Variants in XPR1 observed in about 807,000 individuals in gnomAD.
XPR1 encodes the protein xenotropic and polytropic retrovirus receptor 1.
A neutral mutation model predicts 87.5 loss-of-function variants in XPR1; 28 were observed. That is an observed-to-expected ratio of 0.32 (90% CI 0.24 to 0.44). The LOEUF is 0.44. Among genes scored for constraint, XPR1 ranks in the 20% least tolerant of loss-of-function variants. XPR1 has a pLI of 1.00. For synonymous variants in XPR1, 300 were observed against 306.1 expected (o/e 0.98, Z 0.21); for missense variants, 559 against 862.3 (o/e 0.65, Z 4.41).
chr1:180,776,280 T>A (rs1648713774), intron 2 of XPR1, among the ~76,000 whole-genome samples: 1 of 152,186 alleles, frequency 6.6e-6, no homozygotes, highest in Non-Finnish European at 1.5e-5. Flanking sequence ...TCTGATCTAC[T>A]TATTTATGTT....
intron 1 of XPR1, among the ~76,000 whole-genome samples, chr1:180,680,357 CTTTTTT>C (rs369905770): frequency 4.8e-5 from 4 of 83,380 alleles, no homozygotes; most frequent in African/African-American, 1.5e-4. Context: ...CAAATAGAAC[CTTTTTT>C]TTTTTTTTTT....
chr1:180,828,355 G>C (rs1650937396), intron 9 of XPR1, among the ~76,000 whole-genome samples: 1 of 152,092 alleles, frequency 6.6e-6, no homozygotes, highest in Admixed American at 6.5e-5. Context: ...TGTCAAATTA[G>C]TATAGATTAT....
intron 2 of XPR1, among the ~76,000 whole-genome samples, chr1:180,779,796 C>T (rs10914104): frequency 6.6e-6 from 1 of 152,118 alleles, no homozygotes; most frequent in Non-Finnish European, 1.5e-5. Flanking sequence ...TCACCACTAT[C>T]TAATTCAAGA....
In XPR1 at chr1:180,788,084, G is replaced by T. The variant is rs191476675; in HGVS notation, c.223+230G>T. 2.0e-5 allele frequency among the ~76,000 whole-genome samples: 3 copies of T among 152,274 alleles called. No homozygotes were observed. The East Asian group carries it at 5.8e-4, about 29-fold the overall frequency. On this transcript the variant is annotated intron_variant, in intron 3 of 14. Coordinates refer to ENST00000367590, the MANE Select transcript of XPR1 (RefSeq NM_004736.4). ...GCAGTCAAAAGGATATTGGGACTTC[G>T]TTGAGAGGCAATACCTCGGTAGAGC...
chr1:180,643,951 G>A lies in XPR1; in HGVS notation c.69+11681G>A, dbSNP rs189860769. Among the ~76,000 whole-genome samples the A allele has an allele frequency of 9.7e-4, 148 of 152,172 alleles. 2 individuals are homozygous for A. The highest frequency in any genetic ancestry group is 1.7e-3 in the Non-Finnish European group (114 of 68,010). On this transcript the variant is annotated intron_variant, in intron 1 of 14. Coordinates refer to ENST00000367590, the MANE Select transcript of XPR1 (RefSeq NM_004736.4). ...AGAATGTCTTTACTCTGATGAATTC[G>A]GTGTGGCCCAGGTTCTCATCAGAAT...
At chr1:180,748,480 G>GC (rs1647375336) in intron 2 of XPR1, among the ~76,000 whole-genome samples, 1 of 123,306 alleles carries the variant, frequency 8.1e-6, no homozygotes, top group Non-Finnish European at 1.6e-5. Context: ...GTGCAATGGC[G>GC]CCATCTCAGC....
intron 1 of XPR1, among the ~76,000 whole-genome samples, chr1:180,651,096 T>C (rs1387353072): frequency 6.6e-6 from 1 of 151,684 alleles, no homozygotes. Context: ...GCTGGACATT[T>C]GGAATCCATT....
chr1:180,732,323 AT>A (rs983156949), intron 2 of XPR1, among the ~76,000 whole-genome samples: 1 of 151,934 alleles, frequency 6.6e-6, no homozygotes, highest in Admixed American at 6.6e-5. Context: ...AATTTGATAC[AT>A]TTTCTCATGG....
chr1:180,883,380 G>T (rs1284941520), intron 14 of XPR1, among the ~76,000 whole-genome samples: 1 of 151,922 alleles, frequency 6.6e-6, no homozygotes, highest in African/African-American at 2.4e-5. Context: ...AGATGGAAAC[G>T]GGCACTCAAA....
intron 1 of XPR1, among the ~76,000 whole-genome samples, chr1:180,636,412 TTAAG>T (rs1425258715): frequency 1.3e-5 from 2 of 152,252 alleles, no homozygotes; most frequent in African/African-American, 2.4e-5. Flanking sequence ...CAAATGTTTC[TTAAG>T]TGAGTGAATG....
chr1:180,778,176 G>A (rs1010209238), intron 2 of XPR1, among the ~76,000 whole-genome samples: 1 of 151,852 alleles, frequency 6.6e-6, no homozygotes, highest in Non-Finnish European at 1.5e-5. Flanking sequence ...TAGAGACTGG[G>A]TCTCCCTAAG....
intron 2 of XPR1, among the ~76,000 whole-genome samples, chr1:180,714,786 G>T (rs764999301): frequency 2.7e-5 from 4 of 148,530 alleles, no homozygotes; most frequent in Non-Finnish European, 6.0e-5. Context: ...TCTTTTTCTA[G>T]TTTTTTTTTT....
intron 7 of XPR1, among the ~76,000 whole-genome samples, chr1:180,820,032 A>C (rs1650565830): frequency 6.6e-6 from 1 of 151,948 alleles, no homozygotes; most frequent in Non-Finnish European, 1.5e-5. Context: ...AAAAAAAAAA[A>C]TTATATATAT....
intron 11 of XPR1, among the ~76,000 whole-genome samples, chr1:180,857,368 T>C (rs1346554416): frequency 1.3e-5 from 2 of 152,186 alleles, no homozygotes; most frequent in African/African-American, 4.8e-5. Flanking sequence ...CCCTACGAAA[T>C]AGGAGGCTTT....
intron 2 of XPR1, among the ~76,000 whole-genome samples, chr1:180,747,260 G>A (rs1647292876): frequency 6.6e-6 from 1 of 152,056 alleles, no homozygotes; most frequent in Admixed American, 6.6e-5. Flanking sequence ...GCTTCATACG[G>A]TTATTGTAGT....
In XPR1 at chr1:180,887,190, A is replaced by G. The variant is rs1653041919; in HGVS notation, c.*3124A>G. The G allele has an allele frequency of 1.3e-5, 2 of 152,122 alleles. No individual in the cohort carries two copies. The highest frequency in any genetic ancestry group is 1.3e-4 in the Admixed American group (2 of 15,266). 9.4% of individuals were successfully genotyped at this position (152,122 alleles called of 1,614,324 possible). A position where few individuals can be genotyped will look rare whatever the true frequency, so the allele number is the denominator to read the frequency against. ...GCAAGACTCCATCTCAAAAACAAACAAAAAAAATCACAGACTCATTTTAAA... is the reference window on the plus strand; with the variant it reads ...GCAAGACTCCATCTCAAAAACAAACGAAAAAAATCACAGACTCATTTTAAA... On this transcript the variant is annotated 3_prime_UTR_variant, in exon 15 of 15. Transcript: ENST00000367590.
intron 2 of XPR1, among the ~76,000 whole-genome samples, chr1:180,728,783 T>G (rs1362636550): frequency 6.6e-6 from 1 of 152,232 alleles, no homozygotes; most frequent in East Asian, 1.9e-4. Flanking sequence ...TCACATTGTT[T>G]CCCTAATTTC....
In XPR1 at chr1:180,685,034, C is replaced by T. The variant is rs574053069; in HGVS notation, c.121+2623C>T. ...CTTCCAACACTATGTTGAATAGGAG[C>T]GGTGAGAGAGGGCATCCCTGTCTTG... On this transcript the variant is annotated intron_variant, in intron 2 of 14. Coordinates refer to ENST00000367590, the MANE Select transcript of XPR1 (RefSeq NM_004736.4). 3.0e-3 allele frequency among the ~76,000 whole-genome samples: 459 copies of T among 151,760 alleles called. 2 individuals carry two copies. The highest frequency in any genetic ancestry group is 4.4e-3 in the African/African-American group (183 of 41,348).
chr1:180,809,651 AT>A (rs1168412660), intron 6 of XPR1, among the ~76,000 whole-genome samples: 3 of 152,148 alleles, frequency 2.0e-5, no homozygotes, highest in Non-Finnish European at 4.4e-5. Flanking sequence ...GCTAAAGAAA[AT>A]GTGGAAGTGG....
Sources: allele counts gnomAD v4.1 joint callset (sites outside exome capture counted in the v4.1 genomes callset), GRCh38; gene constraint gnomAD v4.1.1; transcripts MANE v1.5; gene names NCBI Gene and HGNC (gene_info 2026-07-23, HGNC 2026-07-21).